The following RAPGEF1 variants were observed in gnomAD, a reference collection of about 807,000 sequenced individuals.
RAPGEF1 encodes Rap guanine nucleotide exchange factor 1.
Under a neutral mutation model 143.3 loss-of-function variants are expected in RAPGEF1, and 33 were observed. The observed-to-expected ratio is 0.23, with a 90% CI of 0.17 to 0.31. The LOEUF is 0.31. Ranked by LOEUF, RAPGEF1 falls within the 10% of genes least tolerant of loss-of-function variation. RAPGEF1 has a pLI of 1.00. For synonymous variants in RAPGEF1, 629 were observed against 676.5 expected, an observed-to-expected ratio of 0.93 and a Z score of 1.09; for missense variants, 1,199 against 1,645.4, an observed-to-expected ratio of 0.73 and a Z score of 4.69.
At chr9:131,647,927 C>T (rs1970079713) in intron 3 of RAPGEF1, among the ~76,000 whole-genome samples, 1 of 151,706 alleles carries the variant, frequency 6.6e-6, no homozygotes, top group South Asian at 2.1e-4. Context: ...AGCTTCCCAA[C>T]CCCTACCCAC....
At chr9:131,737,834 A>G (rs538545565) in intron 1 of RAPGEF1, among the ~76,000 whole-genome samples, 1 of 152,070 alleles carries the variant, frequency 6.6e-6, no homozygotes, top group Non-Finnish European at 1.5e-5. Flanking sequence ...GCGTGGTGGC[A>G]GGCGCCTGCA....
At position 131,641,882 on chromosome 9, in the gene RAPGEF1, G is replaced by A. The variant is rs1588691782; in HGVS notation, c.494+1357C>T. ...TCCAGGGAGGAAGCCCCAGGGCAGA[G>A]AGTTTCTTGTAAATAAAGACACTAT... On this transcript the variant is annotated intron_variant, in intron 4 of 26. Transcript: ENST00000683357. This position sits in a 1 kb window ranked among gnomAD's most constrained non-coding sequence, Gnocchi z 4.6. 1.3e-5 allele frequency among the ~76,000 whole-genome samples: 2 copies of A among 152,256 alleles called. No homozygotes were observed. The highest frequency in any genetic ancestry group is 4.8e-5 in the African/African-American group (2 of 41,472).
intron 5 of RAPGEF1, among the ~76,000 whole-genome samples, chr9:131,634,711 C>A (rs1201866867): frequency 8.4e-5 from 2 of 23,714 alleles, no homozygotes; most frequent in Non-Finnish European, 6.2e-5. Context: ...GAGACTCCGT[C>A]TCAAAAAAAA....
intron 6 of RAPGEF1, among the ~76,000 whole-genome samples, chr9:131,629,854 T>A (rs1249704363): frequency 6.6e-6 from 1 of 152,038 alleles, no homozygotes; most frequent in African/African-American, 2.4e-5. Flanking sequence ...TAGAGATGAA[T>A]ATAAACCTTT....
chr9:131,579,708 G>A lies in RAPGEF1; in HGVS notation c.3642-61C>T, dbSNP rs571162124. 3.3e-5 allele frequency: 52 copies of A among 1,567,388 alleles called. No homozygotes were observed. The Middle Eastern group carries it at 5.8e-4, about 18-fold the overall frequency. On this transcript the variant is annotated intron_variant, in intron 26 of 26. Coordinates refer to ENST00000683357, the MANE Select transcript of RAPGEF1 (RefSeq NM_001377935.1). ...TGTGTGGGCTGGATGGCCCGATGGC[G>A]CCACCCTCCTGGAAGGTGCCGCGGG...
rs543690972 is a variant in RAPGEF1, at chr9:131,600,300, G to A, written c.2501+1761C>T. On this transcript the variant is annotated intron_variant, in intron 15 of 26. Transcript: ENST00000683357. ...CAAAGTGTTCATCCTTCTCTTTCAC[G>A]AGAACCATCTGGAACTCTGAAGACG... Among the ~76,000 whole-genome samples, 8 of 152,260 alleles carry A rather than the reference G, an allele frequency of 5.3e-5. No individual in the cohort carries two copies. The East Asian group carries it at 7.7e-4, about 15-fold the overall frequency.
intron 22 of RAPGEF1, among the ~76,000 whole-genome samples, chr9:131,587,243 C>G (rs1953267623): frequency 7.9e-6 from 1 of 126,572 alleles, no homozygotes. Context: ...CACACACACA[C>G]CTGCAGAGCG....
At chr9:131,618,051 C>T (rs1014364508) in intron 12 of RAPGEF1, among the ~76,000 whole-genome samples, 14 of 152,234 alleles carry the variant, frequency 9.2e-5, no homozygotes, top group African/African-American at 3.4e-4. Flanking sequence ...ATGCCCCGTG[C>T]AACATGACTT....
chr9:131,619,873 G>A (rs1234685675), intron 11 of RAPGEF1, among the ~76,000 whole-genome samples: 1 of 152,206 alleles, frequency 6.6e-6, no homozygotes, highest in Non-Finnish European at 1.5e-5. Flanking sequence ...CCAGCAGCTG[G>A]CAGGACCTGT....
chr9:131,700,434 T>C (rs1290824927), intron 1 of RAPGEF1, among the ~76,000 whole-genome samples: 1 of 152,090 alleles, frequency 6.6e-6, no homozygotes, highest in Non-Finnish European at 1.5e-5. Context: ...ATACCTGTCA[T>C]CCAAAAGCCT....
At chr9:131,651,089 A>C in intron 1 of RAPGEF1, 140 bp from the exon 2 acceptor site, 2 of 1,085,080 alleles carry the variant, frequency 1.8e-6, no homozygotes, top group Non-Finnish European at 2.6e-6. Flanking sequence ...GGACGTATGG[A>C]TCCATTACAA....
At chr9:131,579,779 C>G in intron 26 of RAPGEF1, 132 bp from the exon 27 acceptor site, 1 of 966,888 alleles carries the variant, frequency 1.0e-6, no homozygotes, top group Non-Finnish European at 1.5e-6. Context: ...CAGGGGCTAC[C>G]GTTGACCAAT....
intron 4 of RAPGEF1, among the ~76,000 whole-genome samples, chr9:131,642,191 G>C (rs768478553): frequency 5.3e-5 from 8 of 152,222 alleles, no homozygotes; most frequent in Non-Finnish European, 1.0e-4. Flanking sequence ...TAACCTTTAA[G>C]AGGAAAATGT....
intron 1 of RAPGEF1, among the ~76,000 whole-genome samples, chr9:131,665,689 G>C (rs1216148742): frequency 6.6e-6 from 1 of 152,110 alleles, no homozygotes; most frequent in African/African-American, 2.4e-5. Context: ...TCCATGGTAA[G>C]CCTGTTCTCC....
chr9:131,608,338 A>G (rs1240055608), intron 12 of RAPGEF1, among the ~76,000 whole-genome samples: 2 of 152,196 alleles, frequency 1.3e-5, no homozygotes, highest in African/African-American at 4.8e-5. Context: ...ATATTTGCTG[A>G]TACGTATTTT....
At position 131,667,979 on chromosome 9, in the gene RAPGEF1, T is replaced by C. The variant is rs1002255362; in HGVS notation, c.62-17030A>G. On this transcript the variant is annotated intron_variant, in intron 1 of 26. Coordinates refer to ENST00000683357, the MANE Select transcript of RAPGEF1 (RefSeq NM_001377935.1). The surrounding 1 kb of genome is among the most constrained non-coding windows in gnomAD (Gnocchi z 4.6). ...CAGACCGTTCAAAAATATACTCCTT[T>C]TTGGGATAAATGCCACCATCTTCAG... Among the ~76,000 whole-genome samples, 8 of 152,218 alleles carry C rather than the reference T, an allele frequency of 5.3e-5. No individual in the cohort carries two copies. Among genetic ancestry groups the C allele is most frequent in the Non-Finnish European group, 7.3e-5 (5 of 68,036 alleles).
intron 1 of RAPGEF1, among the ~76,000 whole-genome samples, chr9:131,709,018 C>T (rs557970854): frequency 6.6e-6 from 1 of 152,154 alleles, no homozygotes; most frequent in South Asian, 2.1e-4. Flanking sequence ...CAGGCGTGAG[C>T]CCCTGTGCCT....
In RAPGEF1 at chr9:131,583,103, T is replaced by C. The variant is rs1413049458; in HGVS notation, c.3415-401A>G. ...GCGTCACTCCTGACTCGGAGCTGCC[T>C]TTGCTCTGCCCTGTACTCAGGGAGG... is the stretch of plus-strand genomic sequence containing the variant. On this transcript the variant is annotated intron_variant, in intron 24 of 26. Transcript: ENST00000683357. The surrounding 1 kb of genome is among the most constrained non-coding windows in gnomAD (Gnocchi z 4.7). Among the ~76,000 whole-genome samples, 12 of 152,158 alleles carry C rather than the reference T, an allele frequency of 7.9e-5. No individual in the cohort carries two copies. Among genetic ancestry groups the C allele is most frequent in the Non-Finnish European group, 4.4e-5 (3 of 68,020 alleles).
At chr9:131,620,406 C>T (rs1960519139) in intron 11 of RAPGEF1, among the ~76,000 whole-genome samples, 1 of 152,082 alleles carries the variant, frequency 6.6e-6, no homozygotes, top group Non-Finnish European at 1.5e-5. Flanking sequence ...ACTCCTGGCT[C>T]TCGGCAACAG....
Sources: allele counts gnomAD v4.1 joint callset (sites outside exome capture counted in the v4.1 genomes callset), GRCh38; gene constraint gnomAD v4.1.1; non-coding constraint Gnocchi (gnomAD v3.1); transcripts MANE v1.5; gene names NCBI Gene and HGNC (gene_info 2026-07-23, HGNC 2026-07-21).